The following USP34 variants were observed in gnomAD, a reference collection of about 807,000 sequenced individuals.
USP34 encodes ubiquitin specific peptidase 34, also known as ubiquitin carboxyl-terminal hydrolase 34.
In USP34, 70 loss-of-function variants were observed where a neutral mutation model predicts 460.3. The ratio of observed to expected loss-of-function variants is 0.15; its 90% CI spans 0.13 to 0.19. The LOEUF (loss-of-function observed/expected upper bound fraction) is 0.19. USP34 is among the 10% of genes least tolerant of loss of function. The pLI, the probability that USP34 is intolerant of heterozygous loss-of-function variation, is 1.00. For missense variants in USP34, 3,985 were observed against 4,236.2 expected (o/e 0.94, Z 1.65); for synonymous variants, 1,647 against 1,405.3 (o/e 1.17, Z -3.85).
In USP34 at chr2:61,284,917, C is replaced by T. The variant is rs756455812; in HGVS notation, c.4790G>A (p.Arg1597Gln). The T allele has an allele frequency of 2.5e-6, 4 of 1,611,158 alleles. No homozygotes were observed. The highest frequency in any genetic ancestry group is 2.2e-5 in the East Asian group (1 of 44,736). ...ATACGTATAAGCAACAGACATAAGT[C>T]GCTGAATCAAACTGGTTCCTTGGAC... Reference protein sequence around the residue: ...VLVQGTSLIQRLMSVAYTYDN... With the variant: ...VLVQGTSLIQQLMSVAYTYDN... Residue 1597 changes from arginine to glutamine, a missense_variant, in exon 35 of 80, where the codon CGA (arginine) becomes CAA (glutamine). Physicochemically the swap from Arg to Gln is conservative, Grantham distance 43. Transcript: ENST00000398571.
rs1028907277 is a variant in USP34, at chr2:61,293,364, A to G, written c.4548+100T>C. On this transcript the variant is annotated intron_variant, in intron 33 of 79. Coordinates refer to ENST00000398571, the MANE Select transcript of USP34 (RefSeq NM_014709.4). ...TTTCTGCTATATTCCATACTTTATT[A>G]TAAGGAACTATATGGCAAAAGCTAT... The G allele has an allele frequency of 3.1e-5, 24 of 776,764 alleles. 1 individual carries two copies. Among genetic ancestry groups the G allele is most frequent in the Admixed American group, 1.1e-4 (4 of 36,274 alleles). The allele number at this position is 776,764 out of a possible 1,614,324, so 48.1% of individuals were successfully genotyped here.
chr2:61,226,786 T>C (rs749824412), intron 62 of USP34: 1 of 281,346 alleles, frequency 3.6e-6, no homozygotes. Flanking sequence ...ATGCACGCTC[T>C]ATTTTGCTAG....
chr2:61,222,701 T>C (rs1156358623), intron 64 of USP34, 38 bp from the exon 65 acceptor site: 5 of 1,585,944 alleles, frequency 3.2e-6, no homozygotes, highest in Non-Finnish European at 3.4e-6. Context: ...ATATTCTTGT[T>C]TTGTTTTGTT....
At chr2:61,306,189 T>C (rs1690398851) in intron 27 of USP34, among the ~76,000 whole-genome samples, 1 of 152,214 alleles carries the variant, frequency 6.6e-6, no homozygotes, top group South Asian at 2.1e-4. Flanking sequence ...GGTTTTCTTC[T>C]AGGGTTTTTA....
intron 39 of USP34, among the ~76,000 whole-genome samples, 185 bp from the exon 40 acceptor site, chr2:61,278,628 A>T (rs1689443603): frequency 1.3e-5 from 2 of 152,328 alleles, no homozygotes; most frequent in Middle Eastern, 3.4e-3. Flanking sequence ...AGTCTTAAAC[A>T]TCACTGATCA....
chr2:61,405,715 G>C lies in USP34; in HGVS notation c.545C>G (p.Thr182Ser), dbSNP rs370343440. Reference sequence around the variant, plus strand: ...ACCACCTATTTTACATACCTCAATAGTAGGGTGAGTATTATGCTTGTAAGC... The same window carrying C: ...ACCACCTATTTTACATACCTCAATACTAGGGTGAGTATTATGCTTGTAAGC... ...YTAYKHNTHP[T>S]IEDISTQESN... The change falls in exon 3 of 80, where the codon ACT becomes AGT. Residue 182 changes from threonine (T) to serine (S), a missense_variant. This residue lies in a region of USP34 where 331 missense variants were observed against 293.7 expected (regional missense o/e 1.13). Coordinates refer to ENST00000398571, the MANE Select transcript of USP34 (RefSeq NM_014709.4). 7 of 1,542,076 alleles carry C rather than the reference G, an allele frequency of 4.5e-6. No individual in the cohort carries two copies. Among genetic ancestry groups the C allele is most frequent in the Non-Finnish European group, 6.1e-6 (7 of 1,149,390 alleles).
chr2:61,205,520 A>G (rs1041655809), intron 72 of USP34, among the ~76,000 whole-genome samples: 68 of 151,514 alleles, frequency 4.5e-4, no homozygotes, highest in Non-Finnish European at 8.0e-4. Context: ...TAATGTAGTG[A>G]AAAAAAAATC....
intron 25 of USP34, among the ~76,000 whole-genome samples, chr2:61,312,972 C>G (rs1690640226): frequency 6.6e-6 from 1 of 152,084 alleles, no homozygotes; most frequent in Admixed American, 6.5e-5. Flanking sequence ...ACACAGAACA[C>G]AAAGAACAAT....
intron 2 of USP34, among the ~76,000 whole-genome samples, chr2:61,416,624 T>C (rs1694201756): frequency 6.6e-6 from 1 of 152,210 alleles, no homozygotes; most frequent in South Asian, 2.1e-4. Context: ...TATCGGTGCT[T>C]GTCATACATG....
intron 49 of USP34, among the ~76,000 whole-genome samples, chr2:61,246,909 C>T (rs541869511): frequency 1.3e-5 from 2 of 152,024 alleles, no homozygotes; most frequent in South Asian, 2.1e-4. Flanking sequence ...AGCAGACAAA[C>T]CTAAGACCTA....
At chr2:61,460,558 T>C (rs1194988291) in intron 1 of USP34, among the ~76,000 whole-genome samples, 2 of 152,130 alleles carry the variant, frequency 1.3e-5, no homozygotes, top group African/African-American at 2.4e-5. Context: ...AAAAACAGTA[T>C]ATAGGGTACA....
At chr2:61,214,715 C>T in intron 67 of USP34, 21 bp from the exon 68 acceptor site, 2 of 1,610,524 alleles carry the variant, frequency 1.2e-6, no homozygotes, top group Admixed American at 1.7e-5. Flanking sequence ...TAAAACAAAA[C>T]TGTCAGATCC....
In USP34 at chr2:61,188,452, T is replaced by A. The variant is rs1686516457; in HGVS notation, c.10291A>T (p.Arg3431Trp). Residue 3431 changes from arginine (R) to tryptophan (W), a missense_variant, in exon 80 of 80, where the codon AGG becomes TGG. Physicochemically the swap from Arg to Trp is moderately radical, Grantham distance 101. Coordinates refer to ENST00000398571, the MANE Select transcript of USP34 (RefSeq NM_014709.4). ...SSFSEDMSNI[R>W]SQHAEEQSNN... ...GACTGTTCTTCTGCATGCTGTGACCTGATATTTGACATGTCTTCTGAAAAC... is the reference window on the plus strand; with the variant it reads ...GACTGTTCTTCTGCATGCTGTGACCAGATATTTGACATGTCTTCTGAAAAC... 1 of 1,614,208 alleles carries A rather than the reference T, an allele frequency of 6.2e-7. No individual in the cohort carries two copies. Among genetic ancestry groups the A allele is most frequent in the South Asian group, 1.1e-5 (1 of 91,088 alleles).
intron 32 of USP34, among the ~76,000 whole-genome samples, chr2:61,294,079 C>T (rs1689944672): frequency 2.0e-5 from 3 of 152,034 alleles, no homozygotes; most frequent in East Asian, 1.9e-4. Flanking sequence ...GGCGCGGTGG[C>T]TCACGCCTGT....
In USP34 at chr2:61,241,776, G is replaced by T; in HGVS notation, c.6671C>A (p.Ser2224Tyr). 6.5e-7 allele frequency: 1 copy of T among 1,535,256 alleles called. No individual in the cohort carries two copies. Among genetic ancestry groups the T allele is most frequent in the Non-Finnish European group, 8.8e-7 (1 of 1,136,080 alleles). The change falls in exon 52 of 80, where the codon TCT (serine) becomes TAT (tyrosine). Residue 2224 changes from serine (S) to tyrosine (Y), a missense_variant. This residue lies in a region of USP34 where 604 missense variants were observed against 684.8 expected (regional missense o/e 0.88). Coordinates refer to ENST00000398571, the MANE Select transcript of USP34 (RefSeq NM_014709.4). ...GAAAAAAATGGTTACCTTTTCAAAA[G>T]AGAAGTCCATAAATTTATCTGTAAC... ...DSVTDKFMDF[S>Y]FEKTHSAYML...
At chr2:61,334,489 A>G (rs1006524832) in intron 18 of USP34, among the ~76,000 whole-genome samples, 1 of 152,184 alleles carries the variant, frequency 6.6e-6, no homozygotes, top group South Asian at 2.1e-4. Flanking sequence ...AAATCCTGGA[A>G]GTAGGAAAGG....
chr2:61,435,261 G>T (rs938729260), intron 1 of USP34, among the ~76,000 whole-genome samples: 1 of 125,522 alleles, frequency 8.0e-6, no homozygotes, highest in Non-Finnish European at 1.6e-5. Context: ...CTTTAATTGC[G>T]CCACTGTATT....
intron 20 of USP34, among the ~76,000 whole-genome samples, chr2:61,327,234 T>G (rs1184862859): frequency 6.6e-6 from 1 of 152,234 alleles, no homozygotes; most frequent in Non-Finnish European, 1.5e-5. Flanking sequence ...GGACATGCCT[T>G]TGCTGCTCTT....
chr2:61,434,117 G>A (rs1431447971), intron 1 of USP34, among the ~76,000 whole-genome samples: 1 of 152,124 alleles, frequency 6.6e-6, no homozygotes, highest in Non-Finnish European at 1.5e-5. Context: ...ACACCCCAAG[G>A]TTAGTGAAGC....
Sources: allele counts gnomAD v4.1 joint callset (sites outside exome capture counted in the v4.1 genomes callset), GRCh38; gene constraint gnomAD v4.1.1; regional missense constraint gnomAD v4.1.1; transcripts MANE v1.5; gene names NCBI Gene and HGNC (gene_info 2026-07-23, HGNC 2026-07-21).